ERBIN: variants seen among roughly 807,000 people sequenced by gnomAD.
ERBIN encodes densin-180-like protein.
ERBIN carries 60 observed loss-of-function variants against 158.4 expected under a neutral mutation model. The observed-to-expected ratio is 0.38, with a 90% CI of 0.31 to 0.47. ERBIN has a LOEUF of 0.47. Among genes scored for constraint, ERBIN ranks in the 20% least tolerant of loss-of-function variants. The pLI, the probability that ERBIN is intolerant of heterozygous loss-of-function variation, is 0.99. For synonymous variants in ERBIN, 594 were observed against 557.2 expected (o/e 1.07, Z -0.93); for missense variants, 1,610 against 1,648.0 (o/e 0.98, Z 0.40).
At chr5:66,077,379 G>A (rs572212739) in intron 25 of ERBIN, among the ~76,000 whole-genome samples, 4 of 151,944 alleles carry the variant, frequency 2.6e-5, no homozygotes, top group African/African-American at 4.8e-5. Context: ...TACAGTCTTA[G>A]AAGGAAGACA....
At chr5:66,065,591 CTGTGTGTGTGTGTGTGTGTGTGTGTG>C (rs56164922) in intron 21 of ERBIN, among the ~76,000 whole-genome samples, 6,128 of 109,376 alleles carry the variant, frequency 0.056, 441 homozygotes, top group African/African-American at 0.15. Context: ...TAATTTTGAC[CTGTGTGTGTGTGTGTGTGTGTGTGTG>C]TGTGTGTGTG....
intron 4 of ERBIN, among the ~76,000 whole-genome samples, 185 bp downstream of exon 4, chr5:65,995,049 G>A (rs911159792): frequency 1.5e-4 from 23 of 152,254 alleles, no homozygotes; most frequent in African/African-American, 5.1e-4. Context: ...CACCTGTTTT[G>A]TATCAAATAC....
At chr5:65,960,382 G>C (rs762393993) in intron 1 of ERBIN, among the ~76,000 whole-genome samples, 6 of 152,214 alleles carry the variant, frequency 3.9e-5, no homozygotes, top group Non-Finnish European at 7.3e-5. Context: ...TAGTGGAAAT[G>C]TCCTGTATCT....
At chr5:65,982,854 T>C (rs1400765670) in intron 1 of ERBIN, among the ~76,000 whole-genome samples, 1 of 152,242 alleles carries the variant, frequency 6.6e-6, no homozygotes, top group Non-Finnish European at 1.5e-5. Flanking sequence ...TGTGTTCTTA[T>C]AACGCTTGTA....
chr5:65,956,264 TA>T (rs1747112125), intron 1 of ERBIN, among the ~76,000 whole-genome samples: 1 of 152,052 alleles, frequency 6.6e-6, no homozygotes, highest in Non-Finnish European at 1.5e-5. Flanking sequence ...TGTGTGGTGG[TA>T]GTGGTGATGT....
chr5:65,948,760 GC>G (rs1746120724), intron 1 of ERBIN, among the ~76,000 whole-genome samples: 1 of 60,456 alleles, frequency 1.7e-5, no homozygotes. Context: ...GTTCTGTTTT[GC>G]GTTTTTTTTT....
At chr5:65,950,688 A>G (rs1746390108) in intron 1 of ERBIN, among the ~76,000 whole-genome samples, 1 of 152,182 alleles carries the variant, frequency 6.6e-6, no homozygotes, top group Non-Finnish European at 1.5e-5. Context: ...AGTACCAAAT[A>G]ATTTGCAGGC....
intron 21 of ERBIN, among the ~76,000 whole-genome samples, chr5:66,065,530 G>A (rs905256832): frequency 3.3e-5 from 5 of 150,442 alleles, no homozygotes; most frequent in Non-Finnish European, 7.4e-5. Context: ...TTACTATATG[G>A]GGTCTATAAA....
At chr5:65,965,792 C>T (rs1329473599) in intron 1 of ERBIN, among the ~76,000 whole-genome samples, 1 of 152,162 alleles carries the variant, frequency 6.6e-6, no homozygotes, top group Non-Finnish European at 1.5e-5. Flanking sequence ...GTTTTTAGTT[C>T]ATGGCACATA....
At chr5:66,069,303 G>T (rs1761320880) in intron 21 of ERBIN, among the ~76,000 whole-genome samples, 1 of 152,258 alleles carries the variant, frequency 6.6e-6, no homozygotes, top group East Asian at 1.9e-4. Flanking sequence ...ATTCTTTGTA[G>T]TATGTTTTCT....
chr5:65,988,474 T>G (rs1444056256), intron 1 of ERBIN, among the ~76,000 whole-genome samples, 161 bp from the exon 2 acceptor site: 1 of 152,184 alleles, frequency 6.6e-6, no homozygotes, highest in Non-Finnish European at 1.5e-5. Flanking sequence ...GCTAATATTT[T>G]GGTTTGACTA....
At chr5:66,005,632 T>A (rs1354937456) in intron 4 of ERBIN, among the ~76,000 whole-genome samples, 2 of 152,144 alleles carry the variant, frequency 1.3e-5, no homozygotes, top group Admixed American at 1.3e-4. Flanking sequence ...GATGACATGA[T>A]TGTATATCTG....
chr5:66,002,315 T>A (rs1753091298), intron 4 of ERBIN, among the ~76,000 whole-genome samples: 1 of 152,194 alleles, frequency 6.6e-6, no homozygotes. Context: ...TAAAAAGTTC[T>A]CTAAGCTGCT....
At chr5:65,940,721 C>T (rs1473272067) in intron 1 of ERBIN, among the ~76,000 whole-genome samples, 2 of 150,344 alleles carry the variant, frequency 1.3e-5, no homozygotes, top group South Asian at 2.1e-4. Context: ...CCCGGCCAGC[C>T]GCCCCGTCCG....
At chr5:66,031,166 A>G (rs772438723) in intron 14 of ERBIN, among the ~76,000 whole-genome samples, 1 of 152,232 alleles carries the variant, frequency 6.6e-6, no homozygotes, top group Non-Finnish European at 1.5e-5. Flanking sequence ...GAAGGTATAC[A>G]GAGGTTTGGT....
In ERBIN at chr5:65,973,198, A is replaced by G. The variant is rs1005414579; in HGVS notation, c.-57-15437A>G. Among the ~76,000 whole-genome samples, 4 of 150,858 alleles carry G rather than the reference A, an allele frequency of 2.7e-5. 2 individuals are homozygous for G. The highest frequency in any genetic ancestry group is 9.9e-5 in the African/African-American group (4 of 40,240). Reference sequence around the variant, plus strand: ...CACCACATGTCATAGGTGGGAATTGAACAGTGAGAACACTTGGACACAGGA... The same window carrying G: ...CACCACATGTCATAGGTGGGAATTGGACAGTGAGAACACTTGGACACAGGA... On this transcript the variant is annotated intron_variant, in intron 1 of 25. Transcript: ENST00000284037.
intron 14 of ERBIN, among the ~76,000 whole-genome samples, chr5:66,036,327 T>C (rs1337696275): frequency 6.6e-6 from 1 of 152,184 alleles, no homozygotes; most frequent in Admixed American, 6.5e-5. Flanking sequence ...TCATTGTTTC[T>C]TTTTTCTTTA....
intron 1 of ERBIN, among the ~76,000 whole-genome samples, chr5:65,977,330 G>T (rs1299621733): frequency 2.6e-5 from 4 of 151,914 alleles, no homozygotes; most frequent in African/African-American, 9.6e-5. Context: ...CGAGGTGGCT[G>T]CCGGGCGGAG....
chr5:66,070,851 G>A (rs1322545780), intron 21 of ERBIN, among the ~76,000 whole-genome samples: 2 of 152,158 alleles, frequency 1.3e-5, no homozygotes, highest in East Asian at 1.9e-4. Context: ...GCTGTAGTAT[G>A]TCATAACAAA....
Sources: gnomAD v4.1 joint callset for allele counts (sites outside exome capture counted in the v4.1 genomes callset) on GRCh38, gnomAD v4.1.1 for gene constraint, MANE v1.5 for transcripts, NCBI Gene and HGNC (gene_info 2026-07-23, HGNC 2026-07-21) for gene names.